RAB38: variants seen among roughly 807,000 people sequenced by gnomAD.
The protein encoded by RAB38 is RAB38, member RAS oncogene family, also known as ras-related protein Rab-38.
A neutral mutation model predicts 18.4 loss-of-function variants in RAB38; 15 were observed. The ratio of observed to expected loss-of-function variants is 0.82; its 90% CI spans 0.55 to 1.26. RAB38 has a LOEUF of 1.26. Among genes scored for constraint, RAB38 ranks in the 50% most tolerant of loss-of-function variants. The pLI is 0.00. For synonymous variants in RAB38, 101 were observed against 104.4 expected, an observed-to-expected ratio of 0.97 and a Z score of 0.20; for missense variants, 294 against 267.4, an observed-to-expected ratio of 1.10 and a Z score of -0.69.
the RAB38 span, among the ~76,000 whole-genome samples, chr11:87,938,779 G>A: frequency 4.6e-5 from 7 of 151,450 alleles, no homozygotes; most frequent in South Asian, 2.1e-4. Flanking sequence ...TACGTAAGGC[G>A]AAAAGTAAAC....
At chr11:87,956,102 AACATACAT>A in the RAB38 span, among the ~76,000 whole-genome samples, 2 of 115,792 alleles carry the variant, frequency 1.7e-5, no homozygotes, top group Non-Finnish European at 3.6e-5. Context: ...TTTAAAAACA[AACATACAT>A]ACATACATGC....
the RAB38 span, among the ~76,000 whole-genome samples, chr11:87,909,374 C>T: frequency 6.6e-6 from 1 of 151,950 alleles, no homozygotes; most frequent in Non-Finnish European, 1.5e-5. Flanking sequence ...AAGGGCATTC[C>T]TCATCTGTGA....
At chr11:87,948,478 T>G in the RAB38 span, among the ~76,000 whole-genome samples, 1 of 151,854 alleles carries the variant, frequency 6.6e-6, no homozygotes, top group South Asian at 2.1e-4. Flanking sequence ...TGTGCCAGTT[T>G]TCAAAGGGAA....
At chr11:88,088,711 C>T in the RAB38 span, among the ~76,000 whole-genome samples, 1 of 151,612 alleles carries the variant, frequency 6.6e-6, no homozygotes, top group Non-Finnish European at 1.5e-5. Context: ...GCCAATTAAA[C>T]ATTCTAGGCC....
chr11:87,933,358 G>C, the RAB38 span, among the ~76,000 whole-genome samples: 1 of 151,972 alleles, frequency 6.6e-6, no homozygotes, highest in East Asian at 1.9e-4. Context: ...ATATTTTTCA[G>C]GTAAAGTTGA....
the RAB38 span, among the ~76,000 whole-genome samples, chr11:88,009,817 C>T: frequency 6.6e-6 from 1 of 152,050 alleles, no homozygotes; most frequent in Non-Finnish European, 1.5e-5. Flanking sequence ...TTTGTCTGTG[C>T]TCTTTATATA....
the RAB38 span, among the ~76,000 whole-genome samples, chr11:87,921,386 T>G: frequency 1.3e-5 from 2 of 151,814 alleles, no homozygotes; most frequent in African/African-American, 2.4e-5. Context: ...TACCAGATGA[T>G]TTCGCCCAAC....
the RAB38 span, among the ~76,000 whole-genome samples, chr11:88,101,969 TTGGAGATCC>T: frequency 6.6e-6 from 1 of 151,960 alleles, no homozygotes; most frequent in Non-Finnish European, 1.5e-5. Flanking sequence ...AATGGTTACC[TTGGAGATCC>T]TGGAGAAAGT....
the RAB38 span, among the ~76,000 whole-genome samples, chr11:87,849,366 G>A: frequency 6.6e-6 from 1 of 152,044 alleles, no homozygotes; most frequent in Admixed American, 6.6e-5. Flanking sequence ...TGAGTTATGT[G>A]GTCGCCATAT....
chr11:87,893,748 T>A, the RAB38 span, among the ~76,000 whole-genome samples: 1 of 151,628 alleles, frequency 6.6e-6, no homozygotes, highest in East Asian at 2.0e-4. Flanking sequence ...TTGGCTACTT[T>A]AGCTACTTTG....
At chr11:87,977,074 T>C in the RAB38 span, among the ~76,000 whole-genome samples, 2 of 11,394 alleles carry the variant, frequency 1.8e-4, no homozygotes, top group African/African-American at 5.8e-4. Context: ...TATTATAAAA[T>C]ATAATTATAT....
chr11:87,845,744 C>CAA, the RAB38 span, among the ~76,000 whole-genome samples: 2 of 152,072 alleles, frequency 1.3e-5, no homozygotes, highest in African/African-American at 4.8e-5. Flanking sequence ...TAGACACAGA[C>CAA]AAACTGCTCA....
chr11:87,804,787 A>G, the RAB38 span, among the ~76,000 whole-genome samples: 1 of 152,188 alleles, frequency 6.6e-6, no homozygotes, highest in Non-Finnish European at 1.5e-5. Context: ...GTCACTTACT[A>G]TATTGCTCCA....
chr11:88,086,764 C>T, the RAB38 span, among the ~76,000 whole-genome samples: 1 of 151,770 alleles, frequency 6.6e-6, no homozygotes, highest in Non-Finnish European at 1.5e-5. Context: ...TTGATTATCC[C>T]CTCTAGGAGT....
the RAB38 span, among the ~76,000 whole-genome samples, chr11:87,826,118 T>C: frequency 7.0e-3 from 1,061 of 152,162 alleles, 13 homozygotes; most frequent in African/African-American, 0.024. Context: ...GATAACATAG[T>C]CATGTTATTT....
the RAB38 span, among the ~76,000 whole-genome samples, chr11:88,107,415 C>T: frequency 2.6e-5 from 4 of 152,186 alleles, no homozygotes; most frequent in African/African-American, 7.2e-5. Context: ...ACTACTTCTT[C>T]AATTTTAAAA....
the RAB38 span, among the ~76,000 whole-genome samples, chr11:87,921,352 C>A: frequency 6.6e-6 from 1 of 151,820 alleles, no homozygotes; most frequent in Non-Finnish European, 1.5e-5. Context: ...GGGTAAACAG[C>A]CAATACACTA....
chr11:87,922,624 C>T, the RAB38 span, among the ~76,000 whole-genome samples: 1 of 151,750 alleles, frequency 6.6e-6, no homozygotes, highest in African/African-American at 2.4e-5. Context: ...AATAAAGGAG[C>T]CAAATTATTT....
At chr11:88,040,319 C>T in the RAB38 span, among the ~76,000 whole-genome samples, 1 of 152,168 alleles carries the variant, frequency 6.6e-6, no homozygotes, top group Non-Finnish European at 1.5e-5. Flanking sequence ...ATGGCCTCTG[C>T]AGATATCTGT....
Sources: gnomAD v4.1 joint callset for allele counts (sites outside exome capture counted in the v4.1 genomes callset) on GRCh38, gnomAD v4.1.1 for gene constraint, MANE v1.5 for transcripts, NCBI Gene and HGNC (gene_info 2026-07-23, HGNC 2026-07-21) for gene names.